The following HAO1 variants were observed in gnomAD, a reference collection of about 807,000 sequenced individuals.
HAO1 encodes 2-Hydroxyacid oxidase 1.
In HAO1, 34 loss-of-function variants were observed where a neutral mutation model predicts 39.7. That is an observed-to-expected ratio of 0.86 (90% CI 0.65 to 1.14). The LOEUF (loss-of-function observed/expected upper bound fraction) is 1.14. Among genes scored for constraint, HAO1 ranks in the 50% most tolerant of loss-of-function variants. The pLI is 0.00. For synonymous variants in HAO1, 172 were observed against 173.2 expected, an observed-to-expected ratio of 0.99 and a Z score of 0.05; for missense variants, 479 against 464.5, an observed-to-expected ratio of 1.03 and a Z score of -0.29.
intron 4 of HAO1, among the ~76,000 whole-genome samples, chr20:7,904,142 T>C (rs1245394029): frequency 1.3e-5 from 2 of 152,170 alleles, no homozygotes; most frequent in East Asian, 3.8e-4. Context: ...TATTCTTCCT[T>C]AGTGTTTTAA....
chr20:7,915,495 C>G (rs1316239559), intron 2 of HAO1, among the ~76,000 whole-genome samples: 1 of 152,274 alleles, frequency 6.6e-6, no homozygotes, highest in Non-Finnish European at 1.5e-5. Flanking sequence ...GGTAGCTTGC[C>G]CACCTACTCT....
At chr20:7,890,321 C>T (rs1301741630) in intron 5 of HAO1, among the ~76,000 whole-genome samples, 1 of 152,068 alleles carries the variant, frequency 6.6e-6, no homozygotes, top group Non-Finnish European at 1.5e-5. Context: ...TCAAGTGATT[C>T]TCCTGCCTCG....
intron 4 of HAO1, among the ~76,000 whole-genome samples, chr20:7,896,524 A>T (rs2050198569): frequency 6.6e-6 from 1 of 152,034 alleles, no homozygotes; most frequent in African/African-American, 2.4e-5. Flanking sequence ...AACTATTCTT[A>T]TTTTTTTCAA....
chr20:7,911,088 A>G (rs2050277389), intron 3 of HAO1, among the ~76,000 whole-genome samples: 1 of 152,212 alleles, frequency 6.6e-6, no homozygotes, highest in Non-Finnish European at 1.5e-5. Flanking sequence ...CATGCCTGGC[A>G]TATTGAAAGA....
intron 4 of HAO1, among the ~76,000 whole-genome samples, chr20:7,896,537 G>T (rs1303682849): frequency 6.6e-6 from 1 of 151,884 alleles, no homozygotes; most frequent in East Asian, 1.9e-4. Flanking sequence ...TTTTTCAAAT[G>T]ATGATAGTGA....
chr20:7,885,644 T>C, intron 6 of HAO1, 54 bp from the exon 7 acceptor site: 1 of 1,566,544 alleles, frequency 6.4e-7, no homozygotes, highest in South Asian at 1.1e-5. Flanking sequence ...TCTGACTTGT[T>C]TTATTCATTT....
chr20:7,886,092 G>T (rs2050149989), intron 5 of HAO1, among the ~76,000 whole-genome samples: 1 of 152,096 alleles, frequency 6.6e-6, no homozygotes, highest in Admixed American at 6.6e-5. Flanking sequence ...CTTTTAAAGT[G>T]CAAGGTTGTC....
intron 3 of HAO1, among the ~76,000 whole-genome samples, chr20:7,911,108 AAGCC>A (rs1043304021): frequency 3.3e-5 from 5 of 152,192 alleles, no homozygotes; most frequent in African/African-American, 1.2e-4. Context: ...AACCGCAGGG[AAGCC>A]AGAGTGCAAG....
chr20:7,921,261 A>C (rs185609358), intron 2 of HAO1, among the ~76,000 whole-genome samples: 3 of 152,184 alleles, frequency 2.0e-5, no homozygotes, highest in Admixed American at 6.6e-5. Context: ...TCAACATGAC[A>C]AAACAGATAA....
intron 2 of HAO1, among the ~76,000 whole-genome samples, chr20:7,924,655 T>C (rs1440392756): frequency 6.6e-6 from 1 of 152,096 alleles, no homozygotes; most frequent in African/African-American, 2.4e-5. Context: ...TTAAGTAACA[T>C]GTTAATTTAG....
chr20:7,888,470 C>A (rs928745551), intron 5 of HAO1, among the ~76,000 whole-genome samples: 1 of 151,972 alleles, frequency 6.6e-6, no homozygotes, highest in Non-Finnish European at 1.5e-5. Flanking sequence ...TTGTTCAAAT[C>A]AAAATAGTTT....
Position 7,906,174 on chromosome 20 carries a change from A to G in HAO1, c.701T>C (p.Val234Ala), listed in dbSNP as rs143718983. Residue 234 changes from valine (V) to alanine (A), a missense_variant, in exon 4 of 8, where the codon GTT (valine) becomes GCT (alanine). Coordinates refer to ENST00000378789, the MANE Select transcript of HAO1 (RefSeq NM_017545.3). Reference protein sequence around the residue: ...WLRRLTSLPIVAKGILRGDDA... With the variant: ...WLRRLTSLPIAAKGILRGDDA... ...CGAACCTCTCAAAATGCCCTTTGCAACAATTGGCAATGATGTCAGTCTTCT... is the reference window on the plus strand; with the variant it reads ...CGAACCTCTCAAAATGCCCTTTGCAGCAATTGGCAATGATGTCAGTCTTCT... 3 of 1,612,774 alleles carry G rather than the reference A, an allele frequency of 1.9e-6. No homozygotes were observed. The highest frequency in any genetic ancestry group is 2.5e-6 in the Non-Finnish European group (3 of 1,178,936).
chr20:7,914,476 T>A (rs1600114636), intron 2 of HAO1, 57 bp from the exon 3 acceptor site: 1 of 1,582,740 alleles, frequency 6.3e-7, no homozygotes, highest in South Asian at 1.1e-5. Context: ...CTCCCAAACC[T>A]TTGAATTGTA....
intron 3 of HAO1, among the ~76,000 whole-genome samples, chr20:7,908,398 A>T (rs1263717806): frequency 6.6e-6 from 1 of 151,756 alleles, no homozygotes; most frequent in Admixed American, 6.5e-5. Context: ...CAAAATAAAA[A>T]AAAAAAAAAA....
chr20:7,885,244 T>C (rs1315427861), intron 7 of HAO1, among the ~76,000 whole-genome samples: 5 of 152,178 alleles, frequency 3.3e-5, no homozygotes, highest in African/African-American at 9.6e-5. Flanking sequence ...TATGTGTTCA[T>C]GTGTTATGAG....
intron 2 of HAO1, among the ~76,000 whole-genome samples, chr20:7,922,973 C>A (rs1316795199): frequency 6.6e-6 from 1 of 152,102 alleles, no homozygotes; most frequent in African/African-American, 2.4e-5. Context: ...CTCAGACCCA[C>A]CCATAATAAA....
intron 4 of HAO1, among the ~76,000 whole-genome samples, chr20:7,900,407 C>G (rs207477339): frequency 6.6e-6 from 1 of 152,022 alleles, no homozygotes; most frequent in African/African-American, 2.4e-5. Flanking sequence ...TTGTGGCAAC[C>G]CCGCATCAAG....
intron 2 of HAO1, among the ~76,000 whole-genome samples, chr20:7,916,303 G>C (rs938334680): frequency 6.6e-6 from 1 of 152,110 alleles, no homozygotes; most frequent in Non-Finnish European, 1.5e-5. Flanking sequence ...ATATATAAAA[G>C]TATATTATGT....
rs1421957350 is a variant in HAO1, at chr20:7,906,301, A to G, written c.574T>C (p.Ser192Pro). ...CCAAAATTTTCCTCAGGAGAAAATG[A>G]TAAAGTACTGGTTTCAAAATTTTTC... is the stretch of plus-strand genomic sequence containing the variant. ...RMKNFETSTL[S>P]FSPEENFGDD... Residue 192 changes from serine to proline, a missense_variant, in exon 4 of 8, where the codon TCA becomes CCA. Transcript: ENST00000378789. The G allele has an allele frequency of 1.2e-6, 2 of 1,610,536 alleles. No homozygotes were observed. The highest frequency in any genetic ancestry group is 1.7e-6 in the Non-Finnish European group (2 of 1,177,232).
Sources: gnomAD v4.1 joint callset for allele counts (sites outside exome capture counted in the v4.1 genomes callset) on GRCh38, gnomAD v4.1.1 for gene constraint, MANE v1.5 for transcripts, NCBI Gene and HGNC (gene_info 2026-07-23, HGNC 2026-07-21) for gene names.